Variants in AJAP1 observed in about 807,000 individuals in gnomAD.
AJAP1 encodes adherens junction-associated protein 1.
In AJAP1, 5 loss-of-function variants were observed where a neutral mutation model predicts 35.0. The ratio of observed to expected loss-of-function variants is 0.14; its 90% CI spans 0.07 to 0.30. The LOEUF (loss-of-function observed/expected upper bound fraction) is 0.30. Ranked by LOEUF, AJAP1 falls within the 10% of genes least tolerant of loss-of-function variation. The probability of loss-of-function intolerance (pLI) is 1.00; values close to 1 mark genes in which losing one functional copy is unlikely to be tolerated. For synonymous variants in AJAP1, 284 were observed against 249.3 expected (o/e 1.14, Z -1.31); for missense variants, 586 against 571.0 (o/e 1.03, Z -0.27).
At chr1:4,774,373 A>T in intron 4 of AJAP1, 54 bp from the exon 5 acceptor site, 3 of 1,546,808 alleles carry the variant, frequency 1.9e-6, no homozygotes, top group African/African-American at 1.4e-5. Context: ...CTTGCCTATC[A>T]TGTGTCATGG....
chr1:4,743,062 G>A (rs1431124446), intron 2 of AJAP1, among the ~76,000 whole-genome samples: 5 of 152,206 alleles, frequency 3.3e-5, no homozygotes, highest in Non-Finnish European at 5.9e-5. Context: ...ACGGCTCCCT[G>A]GGGAATGACT....
chr1:4,737,190 A>G (rs2100308606), intron 2 of AJAP1, among the ~76,000 whole-genome samples: 1 of 152,026 alleles, frequency 6.6e-6, no homozygotes, highest in Non-Finnish European at 1.5e-5. Flanking sequence ...CACCCCTGGG[A>G]TGGGAAGGTT....
chr1:4,662,979 C>T (rs1262615611), intron 1 of AJAP1, among the ~76,000 whole-genome samples: 3 of 152,056 alleles, frequency 2.0e-5, no homozygotes, highest in East Asian at 1.9e-4. Flanking sequence ...GTGCCTACTC[C>T]CCTGCACGTG....
chr1:4,696,154 G>A (rs183660454), intron 1 of AJAP1, among the ~76,000 whole-genome samples: 2 of 150,554 alleles, frequency 1.3e-5, no homozygotes, highest in African/African-American at 4.8e-5. Context: ...TTTGGGTTGA[G>A]GGGGGGAGCA....
intron 1 of AJAP1, among the ~76,000 whole-genome samples, chr1:4,660,031 C>T (rs558961395): frequency 2.6e-5 from 4 of 152,380 alleles, no homozygotes; most frequent in South Asian, 2.1e-4. Context: ...ACTCTCAGCA[C>T]GCTGCCTATG....
intron 1 of AJAP1, among the ~76,000 whole-genome samples, chr1:4,672,864 G>A (rs966868875): frequency 6.6e-6 from 1 of 152,200 alleles, no homozygotes; most frequent in African/African-American, 2.4e-5. Flanking sequence ...TTCCCAGTGG[G>A]TCCAGTGTCA....
intron 2 of AJAP1, among the ~76,000 whole-genome samples, chr1:4,736,548 T>A (rs1054858913): frequency 6.6e-6 from 1 of 152,218 alleles, no homozygotes; most frequent in African/African-American, 2.4e-5. Context: ...GTTGTATTTA[T>A]ATGTATAAAT....
chr1:4,740,599 C>T (rs2100315252), intron 2 of AJAP1, among the ~76,000 whole-genome samples: 1 of 151,836 alleles, frequency 6.6e-6, no homozygotes, highest in South Asian at 2.1e-4. Flanking sequence ...TCCTGGCTAA[C>T]ATGGTGAAAC....
intron 2 of AJAP1, among the ~76,000 whole-genome samples, chr1:4,750,540 T>C (rs1039519539): frequency 6.6e-6 from 1 of 152,010 alleles, no homozygotes; most frequent in Non-Finnish European, 1.5e-5. Flanking sequence ...GTGGGTTCTC[T>C]AGGAGCAGGG....
chr1:4,687,847 G>A (rs558155266), intron 1 of AJAP1, among the ~76,000 whole-genome samples: 44 of 152,136 alleles, frequency 2.9e-4, no homozygotes, highest in South Asian at 6.2e-4. Context: ...TCCTTCATCC[G>A]CCAGGCCTCT....
rs1345781939 is a variant in AJAP1, at chr1:4,712,669, C to G, written c.799C>G (p.Gln267Glu). The G allele has an allele frequency of 2.0e-6, 3 of 1,520,764 alleles. No individual in the cohort carries two copies. In the African/African-American group the frequency reaches 4.2e-5, roughly 21 times the overall value. 94.2% of individuals were successfully genotyped at this position (1,520,764 alleles called of 1,614,324 possible). A position where few individuals can be genotyped will look rare whatever the true frequency, so the allele number is the denominator to read the frequency against. The stretch of plus-strand genomic sequence containing the variant: ...TCCCAGCAACAACGGGGAAGTCACC[C>G]AGCCCCCAAGGATTCTGGGGGAGGC... ...TSPSNNGEVT[Q>E]PPRILGEASG... The change falls in exon 2 of 6, where the codon CAG becomes GAG. Residue 267 changes from glutamine to glutamate, a missense_variant. By Grantham distance (29) the Gln-to-Glu change is conservative. Coordinates refer to ENST00000378191, the MANE Select transcript of AJAP1 (RefSeq NM_018836.4).
At chr1:4,760,496 G>A (rs140889365) in intron 2 of AJAP1, among the ~76,000 whole-genome samples, 2 of 152,272 alleles carry the variant, frequency 1.3e-5, no homozygotes, top group Non-Finnish European at 1.5e-5. Flanking sequence ...TGGACTTTCT[G>A]CTCCGGAGAA....
intron 2 of AJAP1, among the ~76,000 whole-genome samples, chr1:4,751,850 C>T (rs1354967853): frequency 1.3e-5 from 2 of 152,208 alleles, no homozygotes; most frequent in African/African-American, 2.4e-5. Context: ...AAGCAGCCAA[C>T]ACAAAGGCAG....
chr1:4,788,870 C>T lies in AJAP1; in HGVS notation c.*6385C>T, dbSNP rs1474007051. 1 of 152,306 alleles carries T rather than the reference C, an allele frequency of 6.6e-6. No individual in the cohort carries two copies. Among genetic ancestry groups the T allele is most frequent in the Non-Finnish European group, 1.5e-5 (1 of 68,124 alleles). 9.4% of individuals were successfully genotyped at this position (152,306 alleles called of 1,614,324 possible). A position where few individuals can be genotyped will look rare whatever the true frequency, so the allele number is the denominator to read the frequency against. On this transcript the variant is annotated 3_prime_UTR_variant, in exon 6 of 6. Coordinates refer to ENST00000378191, the MANE Select transcript of AJAP1 (RefSeq NM_018836.4). ...ACACACCAGCCACAAGTCCACACTC[C>T]ACACCTGTAAACGCACAGCCCATGC...
intron 2 of AJAP1, among the ~76,000 whole-genome samples, chr1:4,754,577 A>T (rs936277171): frequency 6.6e-6 from 1 of 152,160 alleles, no homozygotes. Context: ...CACTTTGAGG[A>T]TGAGAGGACA....
At chr1:4,719,838 C>T (rs1640479203) in intron 2 of AJAP1, among the ~76,000 whole-genome samples, 1 of 152,320 alleles carries the variant, frequency 6.6e-6, no homozygotes, top group East Asian at 1.9e-4. Context: ...CCCTTCCCTC[C>T]CTGCCGGTGT....
intron 1 of AJAP1, among the ~76,000 whole-genome samples, chr1:4,673,965 A>G (rs932140018): frequency 6.7e-6 from 1 of 150,024 alleles, no homozygotes; most frequent in Non-Finnish European, 1.5e-5. Context: ...GTTCTGTTTC[A>G]ATTTCAGACA....
intron 3 of AJAP1, among the ~76,000 whole-genome samples, chr1:4,771,692 C>T (rs12030265): frequency 0.12 from 18,569 of 152,136 alleles, 1,410 homozygotes; most frequent in East Asian, 0.37. Flanking sequence ...CAGGCAGGCA[C>T]GCAGGACACT....
At chr1:4,775,198 C>T (rs931051311) in intron 5 of AJAP1, among the ~76,000 whole-genome samples, 1 of 152,172 alleles carries the variant, frequency 6.6e-6, no homozygotes, top group African/African-American at 2.4e-5. Flanking sequence ...TTAATGCTAA[C>T]GTTAAATTGC....
Sources: allele counts gnomAD v4.1 joint callset (sites outside exome capture counted in the v4.1 genomes callset), GRCh38; gene constraint gnomAD v4.1.1; transcripts MANE v1.5; gene names NCBI Gene and HGNC (gene_info 2026-07-23, HGNC 2026-07-21).